ARHGEF3: variants seen among roughly 807,000 people sequenced by gnomAD.
ARHGEF3 encodes the protein 59.8 kDA protein.
Under a neutral mutation model 63.2 loss-of-function variants are expected in ARHGEF3, and 28 were observed. The observed-to-expected ratio is 0.44, with a 90% CI of 0.33 to 0.61. The LOEUF is 0.61. Ranked by LOEUF, ARHGEF3 falls within the 20% of genes least tolerant of loss-of-function variation. The pLI is 0.03. For missense variants in ARHGEF3, 533 were observed against 659.3 expected, an observed-to-expected ratio of 0.81 and a Z score of 2.10; for synonymous variants, 266 against 254.2, an observed-to-expected ratio of 1.05 and a Z score of -0.44.
chr3:56,795,252 A>G (rs977421281), intron 1 of ARHGEF3, among the ~76,000 whole-genome samples: 1 of 152,132 alleles, frequency 6.6e-6, no homozygotes, highest in Non-Finnish European at 1.5e-5. Context: ...GCAGAGATTG[A>G]ATGGATCTGG....
At chr3:57,052,510 T>C (rs576433690) in intron 1 of ARHGEF3, among the ~76,000 whole-genome samples, 12 of 151,998 alleles carry the variant, frequency 7.9e-5, no homozygotes, top group Admixed American at 1.3e-4. Context: ...TTGGCCAGGG[T>C]GGTCTCGAAC....
intron 4 of ARHGEF3, among the ~76,000 whole-genome samples, chr3:56,843,581 T>G (rs1168440289): frequency 6.6e-6 from 1 of 152,172 alleles, no homozygotes; most frequent in African/African-American, 2.4e-5. Context: ...TTTCTGTAAC[T>G]TGAAAAAAGA....
At chr3:56,791,230 C>G (rs1317049788) in intron 1 of ARHGEF3, among the ~76,000 whole-genome samples, 1 of 151,988 alleles carries the variant, frequency 6.6e-6, no homozygotes, top group Non-Finnish European at 1.5e-5. Context: ...TAATGAGACC[C>G]TGACTCTAGA....
chr3:56,861,146 T>C (rs2040059074), intron 4 of ARHGEF3, among the ~76,000 whole-genome samples: 1 of 152,186 alleles, frequency 6.6e-6, no homozygotes, highest in Admixed American at 6.5e-5. Context: ...CCTCTCAGGC[T>C]TGTTATGTAG....
intron 2 of ARHGEF3, among the ~76,000 whole-genome samples, chr3:56,973,682 A>C (rs1701016680): frequency 6.6e-6 from 1 of 152,142 alleles, no homozygotes; most frequent in Admixed American, 6.6e-5. Flanking sequence ...CTATTTCACC[A>C]AGCAGGAGGA....
At chr3:57,038,105 T>C (rs1167741847) in intron 1 of ARHGEF3, among the ~76,000 whole-genome samples, 1 of 152,116 alleles carries the variant, frequency 6.6e-6, no homozygotes, top group Admixed American at 6.5e-5. Flanking sequence ...AAGTTAAGAC[T>C]TGGCAAAGGC....
At chr3:56,978,595 C>T (rs1161481262) in intron 2 of ARHGEF3, among the ~76,000 whole-genome samples, 1 of 152,180 alleles carries the variant, frequency 6.6e-6, no homozygotes, top group Non-Finnish European at 1.5e-5. Flanking sequence ...TCTATATGGG[C>T]ATATCAAATG....
chr3:56,875,502 A>G (rs1198192475), intron 4 of ARHGEF3, among the ~76,000 whole-genome samples: 1 of 152,204 alleles, frequency 6.6e-6, no homozygotes, highest in Non-Finnish European at 1.5e-5. Flanking sequence ...GCTATTGGTG[A>G]GCTTGCAAAC....
At chr3:56,967,552 CATT>C (rs1700601142) in intron 2 of ARHGEF3, among the ~76,000 whole-genome samples, 1 of 77,238 alleles carries the variant, frequency 1.3e-5, no homozygotes, top group South Asian at 4.3e-4. Flanking sequence ...ATATTATGTA[CATT>C]ATATAATATA....
intron 4 of ARHGEF3, among the ~76,000 whole-genome samples, chr3:56,813,993 G>C (rs1006430864): frequency 2.0e-5 from 3 of 152,138 alleles, no homozygotes; most frequent in Non-Finnish European, 2.9e-5. Context: ...GAATAATTGA[G>C]GCTTCCTTCC....
intron 3 of ARHGEF3, among the ~76,000 whole-genome samples, chr3:56,935,930 C>T (rs956008061): frequency 2.0e-5 from 3 of 152,144 alleles, no homozygotes; most frequent in Admixed American, 2.0e-4. Flanking sequence ...GATGGGGAAT[C>T]TGAATCTCAG....
intron 3 of ARHGEF3, among the ~76,000 whole-genome samples, chr3:56,926,929 A>G (rs1297299156): frequency 6.6e-6 from 1 of 152,240 alleles, no homozygotes; most frequent in African/African-American, 2.4e-5. Flanking sequence ...ACTTAGTAAC[A>G]GGCCCCAGGG....
chr3:56,838,830 C>T (rs944194297), intron 4 of ARHGEF3, among the ~76,000 whole-genome samples: 1 of 152,038 alleles, frequency 6.6e-6, no homozygotes, highest in Non-Finnish European at 1.5e-5. Context: ...GAAAGGCAAA[C>T]GATAATTTGT....
At chr3:56,992,553 T>C (rs563483005) in intron 2 of ARHGEF3, among the ~76,000 whole-genome samples, 2 of 152,106 alleles carry the variant, frequency 1.3e-5, no homozygotes, top group Non-Finnish European at 2.9e-5. Flanking sequence ...ATGGGAGAAC[T>C]ATGTTTCCTG....
At position 56,749,921 on chromosome 3, in the gene ARHGEF3, A is replaced by G. The variant is rs1340418331; in HGVS notation, c.612+1135T>C. Reference sequence around the variant, plus strand: ...CAATGTTAAAACTTTCTGCACATCTATGTGTTATCAAGGCATGTTAACTGA... The same window carrying G: ...CAATGTTAAAACTTTCTGCACATCTGTGTGTTATCAAGGCATGTTAACTGA... On this transcript the variant is annotated intron_variant, in intron 6 of 9. Coordinates refer to ENST00000296315, the MANE Select transcript of ARHGEF3 (RefSeq NM_019555.3). 3.4e-5 allele frequency among the ~76,000 whole-genome samples: 5 copies of G among 148,980 alleles called. No individual in the cohort carries two copies. The South Asian group carries it at 6.2e-4, about 19-fold the overall frequency.
chr3:56,812,531 T>C (rs1023502391), intron 4 of ARHGEF3, among the ~76,000 whole-genome samples: 2 of 152,256 alleles, frequency 1.3e-5, no homozygotes, highest in African/African-American at 2.4e-5. Flanking sequence ...TAAAGGTTAT[T>C]TCTTTCATTC....
At chr3:56,735,601 G>C (rs1261152221) in intron 8 of ARHGEF3, among the ~76,000 whole-genome samples, 2 of 152,204 alleles carry the variant, frequency 1.3e-5, no homozygotes, top group East Asian at 3.8e-4. Context: ...ACACCCTGTG[G>C]AGCACTGCAT....
chr3:57,074,996 T>C (rs962704624), intron 1 of ARHGEF3: 8 of 167,220 alleles, frequency 4.8e-5, no homozygotes, highest in Non-Finnish European at 1.2e-4. Flanking sequence ...TTCCCTCCCC[T>C]TCTGCAGTGA....
chr3:56,840,564 G>A (rs1056809818), intron 4 of ARHGEF3, among the ~76,000 whole-genome samples: 1 of 152,204 alleles, frequency 6.6e-6, no homozygotes, highest in African/African-American at 2.4e-5. Flanking sequence ...GAGGGACTCA[G>A]CGCAGTGCCG....
Sources: gnomAD v4.1 joint callset for allele counts (sites outside exome capture counted in the v4.1 genomes callset) on GRCh38, gnomAD v4.1.1 for gene constraint, MANE v1.5 for transcripts, NCBI Gene and HGNC (gene_info 2026-07-23, HGNC 2026-07-21) for gene names.